ARHGAP35: variants seen among roughly 807,000 people sequenced by gnomAD.
ARHGAP35 encodes Rho GTPase activating protein 35, also known as rho GTPase-activating protein 35.
ARHGAP35 carries 15 observed loss-of-function variants against 111.1 expected under a neutral mutation model. That is an observed-to-expected ratio of 0.13 (90% CI 0.09 to 0.21). The LOEUF is 0.21. Among genes scored for constraint, ARHGAP35 ranks in the 10% least tolerant of loss-of-function variants. ARHGAP35 has a pLI of 1.00. For missense variants in ARHGAP35, 1,262 were observed against 1,873.0 expected, an observed-to-expected ratio of 0.67 and a Z score of 6.02; for synonymous variants, 643 against 710.3, an observed-to-expected ratio of 0.91 and a Z score of 1.51.
rs931789841 is a variant in ARHGAP35, at chr19:46,939,704, T to C, written c.3826+2296T>C. On this transcript the variant is annotated intron_variant, in intron 3 of 6. Transcript: ENST00000672722. ...CTGGGATTACAGGCGTGAGCCACCA[T>C]GCCCGGCCTGCACCTTTACTTTTAA... Among the ~76,000 whole-genome samples the C allele has an allele frequency of 3.3e-5, 5 of 151,958 alleles. No homozygotes were observed. In the East Asian group the frequency reaches 5.9e-4, roughly 18 times the overall value.
intron 3 of ARHGAP35, among the ~76,000 whole-genome samples, chr19:46,960,507 TA>T (rs2056473897): frequency 6.6e-6 from 1 of 152,170 alleles, no homozygotes; most frequent in African/African-American, 2.4e-5. Flanking sequence ...GAGAGTTTCT[TA>T]TTAGAGAACA....
In ARHGAP35 at chr19:47,000,856, G is replaced by C; in HGVS notation, c.*168G>C. Reference sequence around the variant, plus strand: ...ACCAGCCAATGGTACCATCGGCTGGGCTGCCAGGTACCCTGGGCCTGGCGC... The same window carrying C: ...ACCAGCCAATGGTACCATCGGCTGGCCTGCCAGGTACCCTGGGCCTGGCGC... On this transcript the variant is annotated 3_prime_UTR_variant, in exon 7 of 7. Coordinates refer to ENST00000672722, the MANE Select transcript of ARHGAP35 (RefSeq NM_004491.5). This position sits in a 1 kb window ranked among gnomAD's most constrained non-coding sequence, Gnocchi z 6.9. The C allele has an allele frequency of 6.5e-7, 1 of 1,536,890 alleles. No individual in the cohort carries two copies. The highest frequency in any genetic ancestry group is 1.2e-5 in the South Asian group (1 of 83,232).
At position 46,990,264 on chromosome 19, in the gene ARHGAP35, T is replaced by C. The variant is rs1253340471; in HGVS notation, c.4036+589T>C. ...AGCAAATTAGCACCTCTGGTTTTAATGGTATCCTGTGTGCCATGCCACCTT... is the reference window on the plus strand; with the variant it reads ...AGCAAATTAGCACCTCTGGTTTTAACGGTATCCTGTGTGCCATGCCACCTT... On this transcript the variant is annotated intron_variant, in intron 5 of 6. Transcript: ENST00000672722. Among the ~76,000 whole-genome samples, 3 of 152,254 alleles carry C rather than the reference T, an allele frequency of 2.0e-5. No homozygotes were observed. The East Asian group carries it at 5.8e-4, about 29-fold the overall frequency.
chr19:46,945,596 C>T lies in ARHGAP35; in HGVS notation c.3826+8188C>T, dbSNP rs1180097123. 6.6e-6 allele frequency among the ~76,000 whole-genome samples: 1 copy of T among 152,082 alleles called. No individual in the cohort carries two copies. The highest frequency in any genetic ancestry group is 1.5e-5 in the Non-Finnish European group (1 of 68,002). On this transcript the variant is annotated intron_variant, in intron 3 of 6. Transcript: ENST00000672722. The surrounding 1 kb of genome is among the most constrained non-coding windows in gnomAD (Gnocchi z 4.1). ...CAAGAAATCTGACAGCATAGGAACC[C>T]CCTGAGGCAGCTTCCAAGTGTCGTC...
At chr19:46,870,883 C>T (rs565316661) in intron 1 of ARHGAP35, among the ~76,000 whole-genome samples, 2 of 152,178 alleles carry the variant, frequency 1.3e-5, no homozygotes, top group South Asian at 2.1e-4. Context: ...TAGAAAAGTA[C>T]GTAAATCTTA....
intron 2 of ARHGAP35, among the ~76,000 whole-genome samples, chr19:46,929,895 CAA>C (rs2056262241): frequency 6.9e-6 from 1 of 145,214 alleles, no homozygotes; most frequent in African/African-American, 2.6e-5. Flanking sequence ...GCCTGGGCAA[CAA>C]GAGCGAAACT....
intron 3 of ARHGAP35, among the ~76,000 whole-genome samples, chr19:46,969,493 C>G (rs1441897988): frequency 2.0e-5 from 3 of 152,166 alleles, no homozygotes; most frequent in Non-Finnish European, 4.4e-5. Flanking sequence ...CACATACACT[C>G]TGTCGGACTG....
At position 46,959,646 on chromosome 19, in the gene ARHGAP35, C is replaced by T. The variant is rs375391742; in HGVS notation, c.3826+22238C>T. On this transcript the variant is annotated intron_variant, in intron 3 of 6. Coordinates refer to ENST00000672722, the MANE Select transcript of ARHGAP35 (RefSeq NM_004491.5). Reference sequence around the variant, plus strand: ...AACTCCTGACCTCGGGTGATCCACCCGCCTCAGCCTCCCAAAGTGCTGGGA... The same window carrying T: ...AACTCCTGACCTCGGGTGATCCACCTGCCTCAGCCTCCCAAAGTGCTGGGA... Among the ~76,000 whole-genome samples, 12 of 150,544 alleles carry T rather than the reference C, an allele frequency of 8.0e-5. No homozygotes were observed. The East Asian group carries it at 1.4e-3, about 18-fold the overall frequency.
In ARHGAP35 at chr19:46,920,749, C is replaced by G. The variant is rs375267312; in HGVS notation, c.2074C>G (p.His692Asp). The G allele has an allele frequency of 1.4e-5, 23 of 1,610,522 alleles. No homozygotes were observed. Among genetic ancestry groups the G allele is most frequent in the Non-Finnish European group, 2.0e-5 (23 of 1,178,236 alleles). Reference sequence around the variant, plus strand: ...GTCCACGCTGGGCCGGCGGGATAATCATTTAGTCCATCTCCCCCTTACATT... The same window carrying G: ...GTCCACGCTGGGCCGGCGGGATAATGATTTAGTCCATCTCCCCCTTACATT... ...RESTLGRRDN[H>D]LVHLPLTLIL... The change falls in exon 2 of 7, where the codon CAT (histidine) becomes GAT (aspartate). Residue 692 changes from histidine to aspartate, a missense_variant. This residue lies in a region of ARHGAP35 where 579 missense variants were observed against 716.9 expected (regional missense o/e 0.81). Transcript: ENST00000672722. The surrounding 1 kb of genome is among the most constrained non-coding windows in gnomAD (Gnocchi z 7.0).
At chr19:46,979,711 C>A (rs1044173624) in intron 3 of ARHGAP35, among the ~76,000 whole-genome samples, 1 of 152,296 alleles carries the variant, frequency 6.6e-6, no homozygotes, top group Middle Eastern at 3.4e-3. Context: ...TCGCTGGCAT[C>A]GGGAATGTAT....
chr19:46,888,412 C>G (rs1022486161), intron 1 of ARHGAP35, among the ~76,000 whole-genome samples: 11 of 147,142 alleles, frequency 7.5e-5, no homozygotes, highest in Admixed American at 6.2e-4. Context: ...TTAGGCTCCA[C>G]TGGCAGCAGC....
At chr19:46,974,082 A>G (rs1313649174) in intron 3 of ARHGAP35, among the ~76,000 whole-genome samples, 2 of 152,104 alleles carry the variant, frequency 1.3e-5, no homozygotes, top group African/African-American at 4.8e-5. Flanking sequence ...AACAGCCTCA[A>G]CCTCCAGGCT....
intron 3 of ARHGAP35, among the ~76,000 whole-genome samples, chr19:46,958,578 A>G (rs1356055347): frequency 6.6e-6 from 1 of 152,154 alleles, no homozygotes; most frequent in Non-Finnish European, 1.5e-5. Context: ...GACATCTGGA[A>G]CTGGCCATCG....
rs2056699639 is a variant in ARHGAP35, at chr19:46,994,991, C to A, written c.4037-4313C>A. Among the ~76,000 whole-genome samples the A allele has an allele frequency of 6.6e-6, 1 of 152,218 alleles. No homozygotes were observed. Among genetic ancestry groups the A allele is most frequent in the African/African-American group, 2.4e-5 (1 of 41,464 alleles). On this transcript the variant is annotated intron_variant, in intron 5 of 6. Coordinates refer to ENST00000672722, the MANE Select transcript of ARHGAP35 (RefSeq NM_004491.5). The surrounding 1 kb of genome is among the most constrained non-coding windows in gnomAD (Gnocchi z 5.4). ...TGCCTCTGGGTCAGAGTCACCTCCT[C>A]CCTCGCTGAGGACTGTTGAGGGACC...
In ARHGAP35 at chr19:46,934,300, C is replaced by T. The variant is rs1469470250; in HGVS notation, c.3682-2964C>T. Reference sequence around the variant, plus strand: ...TAGGAAACATTTTAAGTGGGGAGAGCATTGTTTGAATCATTGTTATCTGGT... The same window carrying T: ...TAGGAAACATTTTAAGTGGGGAGAGTATTGTTTGAATCATTGTTATCTGGT... On this transcript the variant is annotated intron_variant, in intron 2 of 6. Coordinates refer to ENST00000672722, the MANE Select transcript of ARHGAP35 (RefSeq NM_004491.5). 3.3e-5 allele frequency among the ~76,000 whole-genome samples: 5 copies of T among 152,268 alleles called. No individual in the cohort carries two copies. In the South Asian group the frequency reaches 6.2e-4, roughly 19 times the overall value.
At chr19:46,873,351 G>T (rs2055897867) in intron 1 of ARHGAP35, among the ~76,000 whole-genome samples, 1 of 152,058 alleles carries the variant, frequency 6.6e-6, no homozygotes, top group Non-Finnish European at 1.5e-5. Flanking sequence ...AAAGGAGCCG[G>T]CTGGGCATGG....
At chr19:46,962,333 T>G (rs1879590122) in intron 3 of ARHGAP35, among the ~76,000 whole-genome samples, 1 of 152,244 alleles carries the variant, frequency 6.6e-6, no homozygotes, top group African/African-American at 2.4e-5. Flanking sequence ...GCCAGAGCCC[T>G]GGCCTGCCTT....
chr19:46,875,205 T>C (rs2055911483), intron 1 of ARHGAP35, among the ~76,000 whole-genome samples: 1 of 152,190 alleles, frequency 6.6e-6, no homozygotes, highest in African/African-American at 2.4e-5. Context: ...ATATATCTAT[T>C]AAATATTTAT....
At position 46,983,020 on chromosome 19, in the gene ARHGAP35, C is replaced by T. The variant is rs939030709; in HGVS notation, c.3827-4969C>T. 2.9e-5 allele frequency among the ~76,000 whole-genome samples: 4 copies of T among 135,914 alleles called. No individual in the cohort carries two copies. In the East Asian group the frequency reaches 6.8e-4, roughly 23 times the overall value. 89.2% of individuals were successfully genotyped at this position (135,914 alleles called of 152,430 possible). ...AGTGAGCCAAGATGGTGCTACTGCA[C>T]TCCAGCCTGAGTGACAAAGCAAGAC... is the stretch of plus-strand genomic sequence containing the variant. On this transcript the variant is annotated intron_variant, in intron 3 of 6. Coordinates refer to ENST00000672722, the MANE Select transcript of ARHGAP35 (RefSeq NM_004491.5).
Sources: allele counts gnomAD v4.1 joint callset (sites outside exome capture counted in the v4.1 genomes callset), GRCh38; gene constraint gnomAD v4.1.1; regional missense constraint gnomAD v4.1.1; non-coding constraint Gnocchi (gnomAD v3.1); transcripts MANE v1.5; gene names NCBI Gene and HGNC (gene_info 2026-07-23, HGNC 2026-07-21).